Variants in ELMO3 observed in about 807,000 individuals in gnomAD.
The protein encoded by ELMO3 is engulfment and cell motility 3.
ELMO3 carries 81 observed loss-of-function variants against 89.0 expected under a neutral mutation model. The ratio of observed to expected loss-of-function variants is 0.91; its 90% CI spans 0.76 to 1.09. The LOEUF (loss-of-function observed/expected upper bound fraction) is 1.09. ELMO3 is among the 50% of genes least tolerant of loss of function. The pLI is 0.00. For synonymous variants in ELMO3, 406 were observed against 400.6 expected (o/e 1.01, Z -0.16); for missense variants, 959 against 972.8 (o/e 0.99, Z 0.19).
chr16:67,202,601 C>A (rs369831263), intron 14 of ELMO3, 26 bp from the exon 15 acceptor site: 17 of 1,612,784 alleles, frequency 1.1e-5, no homozygotes, highest in Non-Finnish European at 1.2e-5. Flanking sequence ...GAGCTTAGGC[C>A]CTGAGCTGAG....
At position 67,203,216 on chromosome 16, in the gene ELMO3, C is replaced by G. The variant is rs746823757; in HGVS notation, c.1773C>G (p.Pro591=). Residue 591 remains proline (P), a synonymous_variant, in exon 17 of 20, where the codon CCC becomes CCG. Transcript: ENST00000393997. The surrounding 1 kb of genome is among the most constrained non-coding windows in gnomAD (Gnocchi z 4.6). ...GASPPTLESL[P]EQLPVADMRA... ...GCCCGCCTACCCTGGAGAGTCTGCC[C>G]GAGCAACGTAAGGCGGGCAGGGGCG... The G allele has an allele frequency of 5.6e-6, 9 of 1,608,280 alleles. No homozygotes were observed. The highest frequency in any genetic ancestry group is 5.1e-6 in the Non-Finnish European group (6 of 1,179,404).
chr16:67,199,942 C>T lies in ELMO3; in HGVS notation c.193-9C>T. The T allele has an allele frequency of 1.9e-6, 3 of 1,613,978 alleles. No individual in the cohort carries two copies. Among genetic ancestry groups the T allele is most frequent in the Non-Finnish European group, 8.5e-7 (1 of 1,180,032 alleles). ...CTGACCTCGCTGCCTTTTCTGCTGT[C>T]TTCTCCAGAACCGCGCGGAGATCAA... On this transcript the variant is annotated splice_polypyrimidine_tract_variant and intron_variant, in intron 3 of 19. Transcript: ENST00000393997.
rs749830785 is a variant in ELMO3, at chr16:67,200,374, A to G, written c.413+13A>G. 1.9e-6 allele frequency: 3 copies of G among 1,613,210 alleles called. No individual in the cohort carries two copies. Among genetic ancestry groups the G allele is most frequent in the African/African-American group, 2.7e-5 (2 of 74,882 alleles). On this transcript the variant is annotated intron_variant, in intron 5 of 19. Coordinates refer to ENST00000393997, the MANE Select transcript of ELMO3 (RefSeq NM_024712.5). ...AAGATGGGGACGAGTGAGCACAGGG[A>G]TGTGTGGGCTGGGGGAGATGGTGGG...
chr16:67,199,476 G>GGCCCCCCCCCCCCCCCCCCCCCCCCCCC, intron 1 of ELMO3, 72 bp downstream of exon 1: 2 of 1,503,576 alleles, frequency 1.3e-6, no homozygotes, highest in Non-Finnish European at 9.0e-7. Flanking sequence ...CCTCGGGGCA[G>GGCCCCCCCCCCCCCCCCCCCCCCCCCCC]CCCGCCCCAC....
At position 67,203,581 on chromosome 16, in the gene ELMO3, G is replaced by T. The variant is rs765257236; in HGVS notation, c.1948G>T (p.Glu650Ter). Residue 650 changes from glutamate (E) to a stop codon, truncating the protein, a stop_gained and splice_region_variant, in exon 19 of 20, where the codon GAG becomes TAG. Transcript: ENST00000393997. LOFTEE classifies it high-confidence loss of function. The surrounding 1 kb of genome is among the most constrained non-coding windows in gnomAD (Gnocchi z 4.6). Reference protein sequence around the residue: ...YLNFIAPSKREFYLWTDGLSA... With the variant: ...YLNFIAPSKR ...CAACTTCATTGCCCCCTCCAAGCGG[G>T]AGGTGAGTGTCCGCCAGGCTGAGGT... The T allele has an allele frequency of 6.2e-7, 1 of 1,613,996 alleles. No homozygotes were observed. The highest frequency in any genetic ancestry group is 1.3e-5 in the African/African-American group (1 of 74,930).
chr16:67,203,948 C>T lies in ELMO3; in HGVS notation c.*71C>T, dbSNP rs2033190148. The T allele has an allele frequency of 4.6e-6, 6 of 1,295,344 alleles. No individual in the cohort carries two copies. The highest frequency in any genetic ancestry group is 6.3e-6 in the Non-Finnish European group (6 of 959,304). The allele number at this position is 1,295,344 out of a possible 1,614,324, so 80.2% of individuals were successfully genotyped here. On this transcript the variant is annotated 3_prime_UTR_variant, in exon 20 of 20. Transcript: ENST00000393997. This position sits in a 1 kb window ranked among gnomAD's most constrained non-coding sequence, Gnocchi z 4.6. ...ATGAAGGGCAGTGGGTAGAGGAGTG[C>T]AGGCACCCTGACCAGCAGAGATTGC...
In ELMO3 at chr16:67,201,553, G is replaced by A. The variant is rs369051966; in HGVS notation, c.829G>A (p.Glu277Lys). The change falls in exon 10 of 20, where the codon GAG (glutamate) becomes AAG (lysine). Residue 277 changes from glutamate to lysine, a missense_variant. Coordinates refer to ENST00000393997, the MANE Select transcript of ELMO3 (RefSeq NM_024712.5). ...CCACAGTGCAGCACCAATGGGCGAC[G>A]AGATGGCTCATCACCTGTACGTACT... ...IIHSAAPMGDEMAHHLYVLQA... is the reference protein window; with the variant it reads ...IIHSAAPMGDKMAHHLYVLQA... 1.2e-5 allele frequency: 20 copies of A among 1,613,946 alleles called. No homozygotes were observed. Among genetic ancestry groups the A allele is most frequent in the Admixed American group, 1.7e-5 (1 of 60,002 alleles).
chr16:67,199,604 C>G lies in ELMO3; in HGVS notation c.119+11C>G. ...GGAGGTGTGCGACGCGTGAGTGCTG[C>G]CGGGCCAGGGCCTGCGGAGGGCGGG... On this transcript the variant is annotated intron_variant, in intron 2 of 19. Coordinates refer to ENST00000393997, the MANE Select transcript of ELMO3 (RefSeq NM_024712.5). The G allele has an allele frequency of 6.2e-7, 1 of 1,609,228 alleles. No individual in the cohort carries two copies. Among genetic ancestry groups the G allele is most frequent in the East Asian group, 2.2e-5 (1 of 44,802 alleles).
At chr16:67,200,081 G>A (rs1375603639) in intron 4 of ELMO3, 80 bp downstream of exon 4, 24 of 784,712 alleles carry the variant, frequency 3.1e-5, no homozygotes, top group African/African-American at 2.0e-5. Context: ...GGAGGCCCCC[G>A]CCCCAGCCCT....
chr16:67,201,481 G>T (rs375594879), intron 9 of ELMO3, 39 bp from the exon 10 acceptor site: 43 of 1,613,708 alleles, frequency 2.7e-5, no homozygotes, highest in Non-Finnish European at 3.2e-5. Flanking sequence ...CTCCCTCCCC[G>T]TGAGCCCTCG....
At position 67,203,333 on chromosome 16, in the gene ELMO3, T is replaced by A. The variant is rs779572599; in HGVS notation, c.1787T>A (p.Val596Glu). The A allele has an allele frequency of 1.3e-6, 2 of 1,598,976 alleles. No homozygotes were observed. Among genetic ancestry groups the A allele is most frequent in the Middle Eastern group, 1.7e-4 (1 of 6,046 alleles). ...CCCAGCCTTCTTCCTGCAGTCCCTG[T>A]GGCCGACATGAGGGCACTCCTGACA... is the stretch of plus-strand genomic sequence containing the variant. ...TLESLPEQLPVADMRALLTGK... is the reference protein window; with the variant it reads ...TLESLPEQLPEADMRALLTGK... The change falls in exon 18 of 20, where the codon GTG (valine) becomes GAG (glutamate). Residue 596 changes from valine to glutamate, a missense_variant. Coordinates refer to ENST00000393997, the MANE Select transcript of ELMO3 (RefSeq NM_024712.5). This position sits in a 1 kb window ranked among gnomAD's most constrained non-coding sequence, Gnocchi z 4.6.
chr16:67,202,001 G>T lies in ELMO3; in HGVS notation c.1075G>T (p.Glu359Ter). ...FSNSNPAQDL[E>*]RVPPGLLALD... is the part of the protein sequence containing the mutation. Reference sequence around the variant, plus strand: ...GAACAGCAACCCAGCACAGGACCTGGAGCGCGTGCCCCCCGGTCTGCTGGC... The same window carrying T: ...GAACAGCAACCCAGCACAGGACCTGTAGCGCGTGCCCCCCGGTCTGCTGGC... Residue 359 changes from glutamate (E) to a stop codon, truncating the protein, a stop_gained, in exon 12 of 20, where the codon GAG (glutamate) becomes TAG (stop). Transcript: ENST00000393997. LOFTEE classifies it high-confidence loss of function. 1 of 1,613,338 alleles carries T rather than the reference G, an allele frequency of 6.2e-7. No individual in the cohort carries two copies.
chr16:67,201,363 C>T lies in ELMO3; in HGVS notation c.745-22C>T, dbSNP rs1325244432. On this transcript the variant is annotated intron_variant, in intron 8 of 19. Coordinates refer to ENST00000393997, the MANE Select transcript of ELMO3 (RefSeq NM_024712.5). Reference sequence around the variant, plus strand: ...TGAGCCACCGCGCCCAGCCTAAGCCCCCTTTCTTTCTACCCCCTCAGCACA... The same window carrying T: ...TGAGCCACCGCGCCCAGCCTAAGCCTCCTTTCTTTCTACCCCCTCAGCACA... The T allele has an allele frequency of 3.1e-6, 5 of 1,613,578 alleles. No individual in the cohort carries two copies. The African/African-American group carries it at 4.0e-5, about 13-fold the overall frequency.
rs776209931 is a variant in ELMO3 at position 67,200,738 on chromosome 16, A to G, written c.595A>G (p.Ser199Gly). 1 of 1,613,540 alleles carries G rather than the reference A, an allele frequency of 6.2e-7. No homozygotes were observed. The highest frequency in any genetic ancestry group is 1.1e-5 in the South Asian group (1 of 91,082). Residue 199 changes from serine (S) to glycine (G), a missense_variant, in exon 7 of 20, where the codon AGC becomes GGC. Ser to Gly is a moderately conservative substitution (Grantham distance 56). Coordinates refer to ENST00000393997, the MANE Select transcript of ELMO3 (RefSeq NM_024712.5). Reference protein sequence around the residue: ...ALGLLESVTLSSPALGQLVKS... With the variant: ...ALGLLESVTLGSPALGQLVKS... ...TGGGCTGCTGGAGAGTGTGACCTTG[A>G]GCAGCCCAGCCCTGGGCCAGCTGGT... is the stretch of plus-strand genomic sequence containing the variant.
chr16:67,202,648 C>T lies in ELMO3; in HGVS notation c.1420C>T (p.Gln474Ter). The T allele has an allele frequency of 1.2e-6, 2 of 1,613,578 alleles. No individual in the cohort carries two copies. Among genetic ancestry groups the T allele is most frequent in the South Asian group, 2.2e-5 (2 of 91,080 alleles). The change falls in exon 15 of 20, where the codon CAG becomes TAG. Residue 474 changes from glutamine to a stop codon, truncating the protein, a stop_gained. Transcript: ENST00000393997. LOFTEE classifies it high-confidence loss of function. The part of the protein sequence containing the change: ...FDKVMQVVRE[Q>*]LARTLALKPT... ...CCAGGTCATGCAGGTGGTGCGGGAG[C>T]AGCTGGCCCGCACTCTGGCCCTGAA...
rs780370445 is a variant in ELMO3 at position 67,200,373 on chromosome 16, G to A, written c.413+12G>A. 1 of 1,613,540 alleles carries A rather than the reference G, an allele frequency of 6.2e-7. No homozygotes were observed. Among genetic ancestry groups the A allele is most frequent in the South Asian group, 1.1e-5 (1 of 91,088 alleles). On this transcript the variant is annotated intron_variant, in intron 5 of 19. Coordinates refer to ENST00000393997, the MANE Select transcript of ELMO3 (RefSeq NM_024712.5). ...GAAGATGGGGACGAGTGAGCACAGG[G>A]ATGTGTGGGCTGGGGGAGATGGTGG... is the stretch of plus-strand genomic sequence containing the variant.
rs1395248334 is a variant in ELMO3, at chr16:67,202,941, C to G, written c.1612C>G (p.Gln538Glu). The G allele has an allele frequency of 1.2e-6, 2 of 1,610,754 alleles. No homozygotes were observed. Among genetic ancestry groups the G allele is most frequent in the Middle Eastern group, 1.6e-4 (1 of 6,062 alleles). ...AGAGCTCATGGGCCTGATCCGCCAG[C>G]AGCGCTTGCTCCGCCTCTGTGAGGG... is the stretch of plus-strand genomic sequence containing the variant. Reference protein sequence around the residue: ...KPELMGLIRQQRLLRLCEGTL... With the variant: ...KPELMGLIRQERLLRLCEGTL... The change falls in exon 16 of 20, where the codon CAG (glutamine) becomes GAG (glutamate). Residue 538 changes from glutamine to glutamate, a missense_variant. Gln to Glu is a conservative substitution (Grantham distance 29). Transcript: ENST00000393997.
intron 6 of ELMO3, 24 bp downstream of exon 6, chr16:67,200,574 C>T (rs371071722): frequency 3.5e-5 from 56 of 1,613,076 alleles, no homozygotes; most frequent in African/African-American, 6.7e-5. Context: ...CCTAGGGCAG[C>T]GGGTGGGGGC....
chr16:67,202,781 C>T lies in ELMO3; in HGVS notation c.1553C>T (p.Pro518Leu). ...CTGCACCAGGAGGGCACACTGGCTCCCCCTATACTGTGAGTCTGGGGGGAT... is the reference window on the plus strand; with the variant it reads ...CTGCACCAGGAGGGCACACTGGCTCTCCCTATACTGTGAGTCTGGGGGGAT... The part of the protein sequence containing the change: ...ERLHQEGTLA[P>L]PILELREKLK... Residue 518 changes from proline (P) to leucine (L), a missense_variant, in exon 15 of 20, where the codon CCC becomes CTC. Transcript: ENST00000393997. 1.2e-6 allele frequency: 2 copies of T among 1,613,362 alleles called. No homozygotes were observed. The highest frequency in any genetic ancestry group is 2.7e-5 in the African/African-American group (2 of 75,040).
Sources: gnomAD v4.1 joint callset for allele counts on GRCh38, gnomAD v4.1.1 for gene constraint, Gnocchi (gnomAD v3.1) non-coding constraint, MANE v1.5 for transcripts, NCBI Gene and HGNC (gene_info 2026-07-23, HGNC 2026-07-21) for gene names.